The following SYT6 variants were observed in gnomAD, a reference collection of about 807,000 sequenced individuals.
SYT6 encodes the protein synaptotagmin-6.
A neutral mutation model predicts 38.4 loss-of-function variants in SYT6; 24 were observed. The observed-to-expected ratio is 0.62, with a 90% CI of 0.45 to 0.88. The LOEUF is 0.88. Among genes scored for constraint, SYT6 ranks in the 40% least tolerant of loss-of-function variants. The pLI is 0.00. For missense variants in SYT6, 611 were observed against 621.0 expected (o/e 0.98, Z 0.17); for synonymous variants, 265 against 241.9 (o/e 1.10, Z -0.89).
chr1:114,092,779 G>A (rs140131861), intron 7 of SYT6, among the ~76,000 whole-genome samples: 5 of 152,334 alleles, frequency 3.3e-5, no homozygotes, highest in African/African-American at 1.2e-4. Context: ...CTGAGGCTGG[G>A]TGGACTTGAA....
rs894094502 is a variant in SYT6, at chr1:114,137,408, T to C, written c.1071+87A>G. The C allele has an allele frequency of 5.0e-5, 73 of 1,464,076 alleles. No individual in the cohort carries two copies. In the East Asian group the frequency reaches 1.6e-3, roughly 33 times the overall value. The allele number at this position is 1,464,076 out of a possible 1,614,324, so 90.7% of individuals were successfully genotyped here. ...ATCCCAAATGGCAAAGGCCCATTTG[T>C]CTCTAGGAAGTGAGGGTTTGGGGAC... On this transcript the variant is annotated intron_variant, in intron 3 of 7. Coordinates refer to ENST00000610222, the MANE Select transcript of SYT6 (RefSeq NM_001253772.2).
chr1:114,092,311 ACTCTCT>A lies in SYT6; in HGVS notation c.*52-235_*52-230del, dbSNP rs35257020. Among the ~76,000 whole-genome samples, 262 of 133,414 alleles carry A rather than the reference ACTCTCT, an allele frequency of 2.0e-3. 1 individual carries two copies. Among genetic ancestry groups the A allele is most frequent in the Non-Finnish European group, 3.0e-3 (188 of 62,906 alleles). 87.5% of individuals were successfully genotyped at this position (133,414 alleles called of 152,430 possible). A position where few individuals can be genotyped will look rare whatever the true frequency, so the allele number is the denominator to read the frequency against. On this transcript the variant is annotated intron_variant, in intron 7 of 7. Coordinates refer to ENST00000610222, the MANE Select transcript of SYT6 (RefSeq NM_001253772.2). ...TGCAGAGATAATTAAAGCTTTCTTA[ACTCTCT>A]CTCTCTCTCTCTCTCTCTCTCTGTG... is the stretch of plus-strand genomic sequence containing the variant.
intron 3 of SYT6, among the ~76,000 whole-genome samples, chr1:114,110,558 G>A (rs1676617108): frequency 6.6e-6 from 1 of 152,186 alleles, no homozygotes; most frequent in Non-Finnish European, 1.5e-5. Flanking sequence ...TAAGAGGGAG[G>A]TTAAGGGAGG....
At chr1:114,132,145 G>T (rs570732431) in intron 3 of SYT6, among the ~76,000 whole-genome samples, 1 of 152,354 alleles carries the variant, frequency 6.6e-6, no homozygotes, top group South Asian at 2.1e-4. Flanking sequence ...TGGCAAAGCA[G>T]GTTGTGCCCT....
At position 114,128,059 on chromosome 1, in the gene SYT6, A is replaced by G. The variant is rs553173920; in HGVS notation, c.1071+9436T>C. 2.6e-4 allele frequency among the ~76,000 whole-genome samples: 40 copies of G among 152,292 alleles called. 1 individual carries two copies. The highest frequency in any genetic ancestry group is 3.4e-3 in the Middle Eastern group (1 of 294). On this transcript the variant is annotated intron_variant, in intron 3 of 7. Coordinates refer to ENST00000610222, the MANE Select transcript of SYT6 (RefSeq NM_001253772.2). ...TGGACTGCTCAAAGAGGGCCACAGG[A>G]CTGGCCATCTTCATGCATTATTCAG... is the stretch of plus-strand genomic sequence containing the variant.
rs201961031 is a variant in SYT6, at chr1:114,099,199, T to C, written c.1259A>G (p.Lys420Arg). Reference protein sequence around the residue: ...RRLKKKKTTIKKNTLNPVYNE... With the variant: ...RRLKKKKTTIRKNTLNPVYNE... ...GTAGACAGGATTGAGAGTGTTTTTCTTTATGGTTGTTTTCTTCTTCTTCAG... is the reference window on the plus strand; with the variant it reads ...GTAGACAGGATTGAGAGTGTTTTTCCTTATGGTTGTTTTCTTCTTCTTCAG... The change falls in exon 5 of 8, where the codon AAG (lysine) becomes AGG (arginine). Residue 420 changes from lysine to arginine, a missense_variant. Physicochemically the swap from Lys to Arg is conservative, Grantham distance 26. Coordinates refer to ENST00000610222, the MANE Select transcript of SYT6 (RefSeq NM_001253772.2). 1 of 1,614,150 alleles carries C rather than the reference T, an allele frequency of 6.2e-7. No individual in the cohort carries two copies. Among genetic ancestry groups the C allele is most frequent in the Non-Finnish European group, 8.5e-7 (1 of 1,179,988 alleles).
rs377514643 is a variant in SYT6 at position 114,092,561 on chromosome 1, TG to T, written c.*52-480del. On this transcript the variant is annotated intron_variant, in intron 7 of 7. Transcript: ENST00000610222. ...TAAAAATCTGATACTGCTTTAGCTT[TG>T]AGCTGTCTCCTTTGTTTTTCATTCT... 1.0e-3 allele frequency among the ~76,000 whole-genome samples: 158 copies of T among 152,334 alleles called. 1 individual carries two copies. Among genetic ancestry groups the T allele is most frequent in the African/African-American group, 3.7e-3 (152 of 41,578 alleles).
chr1:114,109,939 A>G (rs1676573133), intron 3 of SYT6, among the ~76,000 whole-genome samples: 1 of 152,232 alleles, frequency 6.6e-6, no homozygotes, highest in Admixed American at 6.5e-5. Context: ...CAGTGCCTAA[A>G]GACACAGAAG....
chr1:114,124,340 A>T (rs547487200), intron 3 of SYT6, among the ~76,000 whole-genome samples: 1 of 152,264 alleles, frequency 6.6e-6, no homozygotes, highest in East Asian at 1.9e-4. Flanking sequence ...ATGTGAGAAG[A>T]TGGGGCCGGA....
intron 6 of SYT6, among the ~76,000 whole-genome samples, chr1:114,094,744 C>G (rs1016192852): frequency 2.0e-5 from 3 of 152,158 alleles, no homozygotes; most frequent in Admixed American, 2.0e-4. Context: ...GGATATGATG[C>G]CATTTATCTT....
chr1:114,118,307 C>G (rs1306578237), intron 3 of SYT6, among the ~76,000 whole-genome samples: 1 of 152,228 alleles, frequency 6.6e-6, no homozygotes, highest in African/African-American at 2.4e-5. Context: ...GCTAATGTCT[C>G]TCATTGGTAA....
chr1:114,090,732 G>T lies in SYT6; in HGVS notation c.*1402C>A, dbSNP rs1210413115. The T allele has an allele frequency of 6.6e-6, 1 of 152,372 alleles. No individual in the cohort carries two copies. The highest frequency in any genetic ancestry group is 1.9e-4 in the East Asian group (1 of 5,340). 9.4% of individuals were successfully genotyped at this position (152,372 alleles called of 1,614,324 possible). On this transcript the variant is annotated 3_prime_UTR_variant, in exon 8 of 8. Coordinates refer to ENST00000610222, the MANE Select transcript of SYT6 (RefSeq NM_001253772.2). ...AACTCACCTCCATGCGCTTACTGGG[G>T]TTATACAAACTGAGATTGAGCAAAT...
At chr1:114,118,064 A>C (rs994697068) in intron 3 of SYT6, among the ~76,000 whole-genome samples, 5 of 152,188 alleles carry the variant, frequency 3.3e-5, no homozygotes, top group Non-Finnish European at 5.9e-5. Flanking sequence ...ACAATGCCTC[A>C]CTGGAAGGAG....
At chr1:114,131,660 C>A (rs575605369) in intron 3 of SYT6, among the ~76,000 whole-genome samples, 25 of 152,352 alleles carry the variant, frequency 1.6e-4, no homozygotes, top group African/African-American at 6.0e-4. Flanking sequence ...GCTTTACCTT[C>A]CTTTCCATAG....
chr1:114,121,232 T>C (rs937845989), intron 3 of SYT6, among the ~76,000 whole-genome samples: 1 of 152,174 alleles, frequency 6.6e-6, no homozygotes, highest in African/African-American at 2.4e-5. Context: ...GGCCTTGGTC[T>C]TTGGTGAGAA....
Position 114,116,732 on chromosome 1 carries a change from C to A in SYT6, c.1072-13011G>T, listed in dbSNP as rs114468476. 5.2e-3 allele frequency among the ~76,000 whole-genome samples: 799 copies of A among 152,352 alleles called. 1 individual carries two copies. The highest frequency in any genetic ancestry group is 8.4e-3 in the Non-Finnish European group (574 of 68,030). On this transcript the variant is annotated intron_variant, in intron 3 of 7. Coordinates refer to ENST00000610222, the MANE Select transcript of SYT6 (RefSeq NM_001253772.2). ...CAGTCCCAGCTTCCCAGCAAGACCA[C>A]ATTCAGCTTAACAATCAATGCCTCT... is the stretch of plus-strand genomic sequence containing the variant.
chr1:114,145,080 G>T (rs1679087393), intron 1 of SYT6, among the ~76,000 whole-genome samples: 1 of 152,072 alleles, frequency 6.6e-6, no homozygotes, highest in Non-Finnish European at 1.5e-5. Context: ...TATACTAAAG[G>T]TCTCCAATGT....
At chr1:114,106,697 T>C (rs1014104026) in intron 3 of SYT6, among the ~76,000 whole-genome samples, 4 of 152,010 alleles carry the variant, frequency 2.6e-5, no homozygotes, top group Non-Finnish European at 5.9e-5. Flanking sequence ...CTCCTATACC[T>C]ACATCATGCC....
chr1:114,117,775 C>T (rs926514353), intron 3 of SYT6, among the ~76,000 whole-genome samples: 6 of 152,174 alleles, frequency 3.9e-5, no homozygotes, highest in Non-Finnish European at 7.3e-5. Flanking sequence ...GGTTCTGCTG[C>T]GAATCAGTAG....
Sources: gnomAD v4.1 joint callset for allele counts (sites outside exome capture counted in the v4.1 genomes callset) on GRCh38, gnomAD v4.1.1 for gene constraint, MANE v1.5 for transcripts, NCBI Gene and HGNC (gene_info 2026-07-23, HGNC 2026-07-21) for gene names.